The following HDAC9 variants were observed in gnomAD, a reference collection of about 807,000 sequenced individuals.
The protein encoded by HDAC9 is MEF-2 interacting transcription repressor (MITR) protein.
HDAC9 carries 41 observed loss-of-function variants against 139.4 expected under a neutral mutation model. That is an observed-to-expected ratio of 0.29 (90% CI 0.23 to 0.38). The LOEUF (loss-of-function observed/expected upper bound fraction) is 0.38, where lower values mean the gene tolerates loss of function less well. Among genes scored for constraint, HDAC9 ranks in the 10% least tolerant of loss-of-function variants. The pLI is 1.00. For synonymous variants in HDAC9, 517 were observed against 476.2 expected, an observed-to-expected ratio of 1.09 and a Z score of -1.12; for missense variants, 1,147 against 1,297.0, an observed-to-expected ratio of 0.88 and a Z score of 1.78.
At chr7:18,187,458 G>A (rs551235634) in intron 2 of HDAC9, among the ~76,000 whole-genome samples, 33 of 152,222 alleles carry the variant, frequency 2.2e-4, no homozygotes, top group African/African-American at 7.5e-4. Flanking sequence ...CTCAGTAGTC[G>A]TTTGACTTTC....
At chr7:18,584,681 C>G (rs1828912910) in intron 2 of HDAC9, among the ~76,000 whole-genome samples, 1 of 152,294 alleles carries the variant, frequency 6.6e-6, no homozygotes, top group East Asian at 1.9e-4. Flanking sequence ...AACTTGGCTA[C>G]TTTCACTCCT....
intron 1 of HDAC9, among the ~76,000 whole-genome samples, chr7:18,418,931 A>G (rs929986394): frequency 2.6e-5 from 4 of 152,174 alleles, no homozygotes; most frequent in African/African-American, 7.2e-5. Context: ...ACCTAAGACT[A>G]TTCAGAGAAG....
intron 2 of HDAC9, among the ~76,000 whole-genome samples, chr7:18,257,564 C>G (rs888012537): frequency 1.3e-5 from 2 of 152,004 alleles, no homozygotes; most frequent in African/African-American, 4.8e-5. Context: ...TTCTGTTAGC[C>G]ACACAAAAGA....
In HDAC9 at chr7:18,983,261, G is replaced by C. The variant is rs553296334; in HGVS notation, c.3170+7308G>C. On this transcript the variant is annotated intron_variant, in intron 25 of 25. Transcript: ENST00000686413. ...TAATGTCCTTAAGGTTTCTCCATGT[G>C]GTAACATATGAAAACATTTCCTTCT... Among the ~76,000 whole-genome samples the C allele has an allele frequency of 9.2e-5, 14 of 152,220 alleles. No homozygotes were observed. In the South Asian group the frequency reaches 2.3e-3, roughly 25 times the overall value.
intron 2 of HDAC9, among the ~76,000 whole-genome samples, chr7:18,541,310 C>T (rs1294477834): frequency 4.6e-5 from 7 of 151,918 alleles, no homozygotes; most frequent in Non-Finnish European, 1.0e-4. Context: ...TAGAACGTGA[C>T]CTTGGCAGCC....
chr7:18,990,892 C>A (rs1040003233), intron 25 of HDAC9, among the ~76,000 whole-genome samples: 3 of 152,222 alleles, frequency 2.0e-5, no homozygotes, highest in Non-Finnish European at 2.9e-5. Context: ...AATGTCTCGC[C>A]CTGCTTGGGC....
At chr7:18,602,913 G>A (rs904994752) in intron 6 of HDAC9, among the ~76,000 whole-genome samples, 2 of 152,016 alleles carry the variant, frequency 1.3e-5, no homozygotes, top group Admixed American at 6.5e-5. Context: ...GTCTCCAACC[G>A]TAATAGGTTT....
chr7:18,607,541 G>A (rs1243330331), intron 6 of HDAC9, among the ~76,000 whole-genome samples: 2 of 152,170 alleles, frequency 1.3e-5, no homozygotes, highest in African/African-American at 4.8e-5. Flanking sequence ...CATATTGCCA[G>A]TATGAATTAT....
intron 1 of HDAC9, among the ~76,000 whole-genome samples, chr7:18,321,273 C>G (rs1393706957): frequency 6.6e-6 from 1 of 152,182 alleles, no homozygotes; most frequent in African/African-American, 2.4e-5. Context: ...TAACTCCAGA[C>G]CTTCAGAACC....
chr7:18,729,813 T>C (rs1490937093), intron 13 of HDAC9, among the ~76,000 whole-genome samples: 1 of 152,184 alleles, frequency 6.6e-6, no homozygotes, highest in African/African-American at 2.4e-5. Context: ...ACATGAGATA[T>C]TATATAAAAT....
chr7:18,227,197 A>T (rs1793114031), intron 2 of HDAC9, among the ~76,000 whole-genome samples: 1 of 152,222 alleles, frequency 6.6e-6, no homozygotes, highest in Admixed American at 6.5e-5. Flanking sequence ...CATAAATTTA[A>T]TTAGCCTTCT....
rs186933895 is a variant in HDAC9, at chr7:18,546,982, G to T, written c.23-38299G>T. Among the ~76,000 whole-genome samples, 265 of 152,334 alleles carry T rather than the reference G, an allele frequency of 1.7e-3. 2 individuals are homozygous for T. The highest frequency in any genetic ancestry group is 0.014 in the Admixed American group (209 of 15,304). On this transcript the variant is annotated intron_variant, in intron 2 of 25. Coordinates refer to ENST00000686413, the MANE Select transcript of HDAC9 (RefSeq NM_178425.4). ...AGAGCAGCTAAAATGCAGTCTGCCT[G>T]TGAAATCTGGCTGACTTACCTTATT...
chr7:18,636,200 A>T (rs988883973), intron 8 of HDAC9, among the ~76,000 whole-genome samples: 6 of 152,034 alleles, frequency 3.9e-5, no homozygotes, highest in Admixed American at 3.3e-4. Flanking sequence ...CTAATAGGAG[A>T]TCCTGCAAAC....
chr7:18,218,476 G>A (rs1032455410), intron 2 of HDAC9, among the ~76,000 whole-genome samples: 1 of 152,004 alleles, frequency 6.6e-6, no homozygotes, highest in African/African-American at 2.4e-5. Context: ...AATTTAAAAA[G>A]AAGTGACATA....
chr7:18,992,917 T>G (rs188584181), intron 25 of HDAC9, among the ~76,000 whole-genome samples: 29 of 152,300 alleles, frequency 1.9e-4, no homozygotes, highest in Non-Finnish European at 2.9e-4. Context: ...TCTCCGAACT[T>G]ACTGTCTTCA....
At chr7:18,856,318 T>G (rs949190275) in intron 21 of HDAC9, among the ~76,000 whole-genome samples, 1 of 152,088 alleles carries the variant, frequency 6.6e-6, no homozygotes, top group Non-Finnish European at 1.5e-5. Context: ...AGTAACTGAT[T>G]AGATTTTTTA....
In HDAC9 at chr7:18,201,440, A is replaced by G. The variant is rs62449107; in HGVS notation, c.25+39091A>G. On this transcript the variant is annotated intron_variant, in intron 2 of 12. Coordinates refer to the HDAC9 transcript ENST00000417496. ...AGAACACATAGTGGACCCAAGGTGG[A>G]AGCCAGCTTCTTATGCCTTTAACAG... is the stretch of plus-strand genomic sequence containing the variant. Among the ~76,000 whole-genome samples the G allele has an allele frequency of 9.9e-3, 1,512 of 152,338 alleles. 17 individuals are homozygous for G. The highest frequency in any genetic ancestry group is 0.015 in the Non-Finnish European group (1,043 of 68,028).
At chr7:18,348,906 A>C (rs1441026276) in intron 1 of HDAC9, among the ~76,000 whole-genome samples, 1 of 152,172 alleles carries the variant, frequency 6.6e-6, no homozygotes, top group African/African-American at 2.4e-5. Flanking sequence ...ATGACTATTT[A>C]AATGGAGTCT....
chr7:18,529,517 G>A (rs1357950970), intron 2 of HDAC9, among the ~76,000 whole-genome samples: 1 of 152,162 alleles, frequency 6.6e-6, no homozygotes, highest in African/African-American at 2.4e-5. Flanking sequence ...GATTGAGGAA[G>A]TTAGTGGATT....
Sources: allele counts gnomAD v4.1 joint callset (sites outside exome capture counted in the v4.1 genomes callset), GRCh38; gene constraint gnomAD v4.1.1; transcripts MANE v1.5; gene names NCBI Gene and HGNC (gene_info 2026-07-23, HGNC 2026-07-21).